The following SEMA6D variants were observed in gnomAD, a reference collection of about 807,000 sequenced individuals.
The protein encoded by SEMA6D is semaphorin-6D.
Under a neutral mutation model 106.6 loss-of-function variants are expected in SEMA6D, and 35 were observed. The ratio of observed to expected loss-of-function variants is 0.33; its 90% CI spans 0.25 to 0.44. The LOEUF is 0.44. Ranked by LOEUF, SEMA6D falls within the 20% of genes least tolerant of loss-of-function variation. The pLI is 1.00. For missense variants in SEMA6D, 1,185 were observed against 1,345.9 expected (o/e 0.88, Z 1.87); for synonymous variants, 499 against 487.7 (o/e 1.02, Z -0.31).
intron 1 of SEMA6D, among the ~76,000 whole-genome samples, chr15:47,191,273 A>G (rs1333206817): frequency 6.6e-6 from 1 of 152,032 alleles, no homozygotes; most frequent in East Asian, 1.9e-4. Flanking sequence ...AAATATTTAG[A>G]CAATCTAAAA....
intron 1 of SEMA6D, among the ~76,000 whole-genome samples, chr15:47,393,824 T>C (rs2040119912): frequency 6.6e-6 from 1 of 152,242 alleles, no homozygotes; most frequent in Admixed American, 6.5e-5. Flanking sequence ...AATGTTGTCA[T>C]TGTTATTCAT....
chr15:47,262,534 A>G (rs1239368051), intron 1 of SEMA6D, among the ~76,000 whole-genome samples: 3 of 152,060 alleles, frequency 2.0e-5, no homozygotes, highest in Admixed American at 6.6e-5. Context: ...CATAATCACA[A>G]GAATAGCATG....
In SEMA6D at chr15:47,298,098, A is replaced by T. The variant is rs142032953; in HGVS notation, c.-239+113680A>T. 5.8e-3 allele frequency among the ~76,000 whole-genome samples: 883 copies of T among 152,318 alleles called. 14 individuals carry two copies. Among genetic ancestry groups the T allele is most frequent in the African/African-American group, 0.02 (838 of 41,560 alleles). Reference sequence around the variant, plus strand: ...TATACTCTAACAGGATCACTTTAAAAGGGAACAGTTAATGACTAAGGCAGT... The same window carrying T: ...TATACTCTAACAGGATCACTTTAAATGGGAACAGTTAATGACTAAGGCAGT... On this transcript the variant is annotated intron_variant, in intron 1 of 19. Transcript: ENST00000558014.
intron 1 of SEMA6D, among the ~76,000 whole-genome samples, chr15:47,264,069 A>G (rs1039650030): frequency 2.6e-5 from 4 of 151,982 alleles, no homozygotes; most frequent in African/African-American, 9.7e-5. Flanking sequence ...GCTGGAGACC[A>G]TTATCCTTAA....
intron 3 of SEMA6D, among the ~76,000 whole-genome samples, chr15:47,575,490 T>A (rs57748069): frequency 0.06 from 9,122 of 151,986 alleles, 318 homozygotes; most frequent in South Asian, 0.095. Flanking sequence ...GAGGGTGAGG[T>A]GGGCAGATCA....
chr15:47,227,438 T>TTTCTTTCTTTCTTTCTTTCTTCTTTC lies in SEMA6D; in HGVS notation c.-239+43022_-239+43023insCTTTCTTTCTTTCTTTCTTCTTTCTT, dbSNP rs374904188. On this transcript the variant is annotated intron_variant, in intron 1 of 19. Coordinates refer to the SEMA6D transcript ENST00000558014. ...TTCTTTCTCTTTCTTTCTTTCTTTC[T>TTTCTTTCTTTCTTTCTTTCTTCTTTC]TTTCTTTCTTTTCTTTCTTTTCTTT... Among the ~76,000 whole-genome samples, 4 of 77,666 alleles carry TTTCTTTCTTTCTTTCTTTCTTCTTTC rather than the reference T, an allele frequency of 5.2e-5. No individual in the cohort carries two copies. In the South Asian group the frequency reaches 2.1e-3, roughly 41 times the overall value. The allele number at this position is 77,666 out of a possible 152,430, so 51.0% of individuals were successfully genotyped here. A position where few individuals can be genotyped will look rare whatever the true frequency, so the allele number is the denominator to read the frequency against.
intron 13 of SEMA6D, chr15:47,765,381 C>T: frequency 9.4e-7 from 1 of 1,068,112 alleles, no homozygotes; most frequent in Non-Finnish European, 1.1e-6. Flanking sequence ...AGCTTGCATA[C>T]ACACACACAC....
At chr15:47,248,427 C>T (rs2033321709) in intron 1 of SEMA6D, among the ~76,000 whole-genome samples, 1 of 152,128 alleles carries the variant, frequency 6.6e-6, no homozygotes, top group Admixed American at 6.5e-5. Flanking sequence ...ATTCCCCGTC[C>T]TACAGAAAGC....
At chr15:47,549,557 T>C (rs72733868) in intron 3 of SEMA6D, among the ~76,000 whole-genome samples, 6,165 of 152,224 alleles carry the variant, frequency 0.04, 176 homozygotes, top group Admixed American at 0.059. Flanking sequence ...TACCATCTTA[T>C]ATTAAATGGA....
intron 1 of SEMA6D, among the ~76,000 whole-genome samples, chr15:47,384,824 T>G (rs1356066712): frequency 3.4e-5 from 3 of 89,146 alleles, no homozygotes; most frequent in South Asian, 2.8e-4. Flanking sequence ...GTTTTTTTTT[T>G]TTTTTTTTTT....
intron 3 of SEMA6D, among the ~76,000 whole-genome samples, chr15:47,488,457 A>T (rs565658128): frequency 6.6e-6 from 1 of 150,606 alleles, no homozygotes; most frequent in African/African-American, 2.5e-5. Context: ...ATCAAAGCAT[A>T]CAGTTAGATC....
At chr15:47,251,978 C>T (rs56096419) in intron 1 of SEMA6D, among the ~76,000 whole-genome samples, 1 of 130,110 alleles carries the variant, frequency 7.7e-6, no homozygotes, top group African/African-American at 3.0e-5. Flanking sequence ...TGCAGTGGCG[C>T]GATCTCGGCT....
chr15:47,541,390 G>C (rs1394968357), intron 3 of SEMA6D, among the ~76,000 whole-genome samples: 1 of 152,102 alleles, frequency 6.6e-6, no homozygotes, highest in Non-Finnish European at 1.5e-5. Flanking sequence ...AATCCCTATA[G>C]TAAATAAAAA....
At chr15:47,694,993 G>A (rs2078669019) in intron 4 of SEMA6D, among the ~76,000 whole-genome samples, 1 of 152,154 alleles carries the variant, frequency 6.6e-6, no homozygotes, top group Non-Finnish European at 1.5e-5. Flanking sequence ...AAAAATTAAA[G>A]TCAATATGGA....
At chr15:47,200,093 G>C (rs189735989) in intron 1 of SEMA6D, among the ~76,000 whole-genome samples, 9 of 152,142 alleles carry the variant, frequency 5.9e-5, no homozygotes, top group African/African-American at 2.2e-4. Flanking sequence ...ATATCACTAC[G>C]TTCTGCTCAA....
chr15:47,345,617 A>G (rs2038014451), intron 1 of SEMA6D, among the ~76,000 whole-genome samples: 1 of 152,230 alleles, frequency 6.6e-6, no homozygotes, highest in African/African-American at 2.4e-5. Context: ...AAGAAAATGT[A>G]AGAGAAAACG....
chr15:47,461,531 G>T (rs1193034957), intron 2 of SEMA6D, among the ~76,000 whole-genome samples: 1 of 151,746 alleles, frequency 6.6e-6, no homozygotes, highest in Non-Finnish European at 1.5e-5. Context: ...TAAATTTCAT[G>T]GTTATTACAC....
At chr15:47,493,017 C>T (rs1384360244) in intron 3 of SEMA6D, among the ~76,000 whole-genome samples, 1 of 152,106 alleles carries the variant, frequency 6.6e-6, no homozygotes, top group Non-Finnish European at 1.5e-5. Flanking sequence ...CTGCATCCAA[C>T]CCACCATGCT....
At chr15:47,371,716 A>T (rs2039279900) in intron 1 of SEMA6D, among the ~76,000 whole-genome samples, 1 of 152,190 alleles carries the variant, frequency 6.6e-6, no homozygotes, top group Non-Finnish European at 1.5e-5. Context: ...ATTAAAAAAA[A>T]TCTGGTCATC....
Sources: gnomAD v4.1 joint callset for allele counts (sites outside exome capture counted in the v4.1 genomes callset) on GRCh38, gnomAD v4.1.1 for gene constraint, MANE v1.5 for transcripts, NCBI Gene and HGNC (gene_info 2026-07-23, HGNC 2026-07-21) for gene names.